Variants in MYO3B observed in about 807,000 individuals in gnomAD.
MYO3B encodes the protein myosin-IIIb.
In MYO3B, 156 loss-of-function variants were observed where a neutral mutation model predicts 174.6. That is an observed-to-expected ratio of 0.89 (90% CI 0.78 to 1.02). MYO3B has a LOEUF of 1.02. Ranked by LOEUF, MYO3B falls within the 50% of genes least tolerant of loss-of-function variation. The pLI is 0.00. For synonymous variants in MYO3B, 563 were observed against 569.1 expected (o/e 0.99, Z 0.15); for missense variants, 1,632 against 1,639.4 (o/e 1.00, Z 0.08).
At chr2:170,393,569 G>A (rs1224074481) in intron 16 of MYO3B, among the ~76,000 whole-genome samples, 1 of 152,098 alleles carries the variant, frequency 6.6e-6, no homozygotes, top group Admixed American at 6.6e-5. Context: ...CAACAAAGGG[G>A]GTGAATTATT....
In MYO3B at chr2:170,327,252, G is replaced by A. The variant is rs1574791998; in HGVS notation, c.750-8133G>A. Among the ~76,000 whole-genome samples the A allele has an allele frequency of 3.9e-5, 6 of 152,324 alleles. No homozygotes were observed. The South Asian group carries it at 1.2e-3, about 32-fold the overall frequency. On this transcript the variant is annotated intron_variant, in intron 7 of 34. Transcript: ENST00000408978. ...ATACAAAAATTAGCTGGGTGTGATGGCACATGCCTGTATTCCCAACTACTC... is the reference window on the plus strand; with the variant it reads ...ATACAAAAATTAGCTGGGTGTGATGACACATGCCTGTATTCCCAACTACTC...
chr2:170,200,213 G>A lies in MYO3B; in HGVS notation c.250G>A (p.Val84Ile). The A allele has an allele frequency of 6.2e-7, 1 of 1,613,558 alleles. No individual in the cohort carries two copies. Among genetic ancestry groups the A allele is most frequent in the Non-Finnish European group, 8.5e-7 (1 of 1,179,662 alleles). Residue 84 changes from valine (V) to isoleucine (I), a missense_variant, in exon 3 of 35, where the codon GTT (valine) becomes ATT (isoleucine). Transcript: ENST00000408978. Reference sequence around the variant, plus strand: ...GCAGTTCCTTCCTAATCATCCCAATGTTGTAAAGTTTTATGGGATGTTTTA... The same window carrying A: ...GCAGTTCCTTCCTAATCATCCCAATATTGTAAAGTTTTATGGGATGTTTTA... The part of the protein sequence containing the change: ...ILQFLPNHPN[V>I]VKFYGMFYKA...
chr2:170,447,978 A>C (rs1357690631), intron 23 of MYO3B, among the ~76,000 whole-genome samples: 2 of 152,166 alleles, frequency 1.3e-5, no homozygotes, highest in Non-Finnish European at 2.9e-5. Context: ...CATCGAGTCC[A>C]GGGTCTGTAA....
At chr2:170,195,116 C>A (rs189383836) in intron 1 of MYO3B, among the ~76,000 whole-genome samples, 24 of 152,070 alleles carry the variant, frequency 1.6e-4, no homozygotes, top group Non-Finnish European at 1.9e-4. Flanking sequence ...TTTTGCAACA[C>A]CCTCACAGAC....
At chr2:170,639,423 G>A (rs1697783050) in intron 32 of MYO3B, among the ~76,000 whole-genome samples, 1 of 152,168 alleles carries the variant, frequency 6.6e-6, no homozygotes, top group Non-Finnish European at 1.5e-5. Flanking sequence ...TCAAGGTTAG[G>A]GAACTGCCAT....
At chr2:170,387,343 T>C in intron 14 of MYO3B, 35 bp downstream of exon 14, 1 of 1,594,458 alleles carries the variant, frequency 6.3e-7, no homozygotes, top group South Asian at 1.1e-5. Context: ...GTTTTTGCCC[T>C]GCAGTAAAAA....
At chr2:170,500,068 CTG>C (rs1044257093) in intron 27 of MYO3B, among the ~76,000 whole-genome samples, 3 of 152,132 alleles carry the variant, frequency 2.0e-5, no homozygotes, top group African/African-American at 7.2e-5. Flanking sequence ...ATGAGCAAGA[CTG>C]TGTAGGGGTG....
intron 18 of MYO3B, 96 bp downstream of exon 18, chr2:170,401,787 A>ATTTT (rs2094477904): frequency 6.1e-6 from 5 of 817,826 alleles, no homozygotes; most frequent in Non-Finnish European, 5.5e-6. Flanking sequence ...CCTCTCTGGG[A>ATTTT]TTTTCTTTCT....
intron 3 of MYO3B, among the ~76,000 whole-genome samples, chr2:170,208,368 A>C (rs2092735826): frequency 6.6e-6 from 1 of 152,194 alleles, no homozygotes; most frequent in Non-Finnish European, 1.5e-5. Flanking sequence ...TGGTGGCTAT[A>C]GTTATGCTTG....
At chr2:170,291,073 AC>A (rs959118469) in intron 7 of MYO3B, among the ~76,000 whole-genome samples, 9 of 151,886 alleles carry the variant, frequency 5.9e-5, no homozygotes, top group Admixed American at 2.0e-4. Flanking sequence ...ACATGGTGAA[AC>A]CCCGTCTCTA....
At chr2:170,221,481 C>T (rs1357864032) in intron 6 of MYO3B, among the ~76,000 whole-genome samples, 1 of 152,064 alleles carries the variant, frequency 6.6e-6, no homozygotes, top group East Asian at 1.9e-4. Flanking sequence ...AGTCAAGACA[C>T]ACAGTTCACT....
In MYO3B at chr2:170,628,441, C is replaced by T. The variant is rs1281003731; in HGVS notation, c.3734-23187C>T. Among the ~76,000 whole-genome samples, 5 of 152,368 alleles carry T rather than the reference C, an allele frequency of 3.3e-5. No homozygotes were observed. In the East Asian group the frequency reaches 9.6e-4, roughly 29 times the overall value. On this transcript the variant is annotated intron_variant, in intron 32 of 34. Coordinates refer to ENST00000408978, the MANE Select transcript of MYO3B (RefSeq NM_138995.5). ...AGTGACCCGATTTTCCAGGTGCCAT[C>T]TGTCACAGCTTTGCTTGGCTGTGAA...
chr2:170,583,980 C>T (rs1693330779), intron 32 of MYO3B, among the ~76,000 whole-genome samples: 1 of 152,194 alleles, frequency 6.6e-6, no homozygotes, highest in Non-Finnish European at 1.5e-5. Context: ...TGGCAAAGAG[C>T]TGTATATTTC....
At chr2:170,455,180 A>G (rs1281497056) in intron 23 of MYO3B, among the ~76,000 whole-genome samples, 8 of 152,220 alleles carry the variant, frequency 5.3e-5, no homozygotes, top group Admixed American at 5.2e-4. Flanking sequence ...TTAGTCCTGC[A>G]AAGGCAGTCT....
rs557150593 is a variant in MYO3B at position 170,355,333 on chromosome 2, T to G, written c.816-13889T>G. Reference sequence around the variant, plus strand: ...TTAGTTCATTTTCTCCAATTTGATGTTCACATAATTGGCAGTCAGCCAGAG... The same window carrying G: ...TTAGTTCATTTTCTCCAATTTGATGGTCACATAATTGGCAGTCAGCCAGAG... On this transcript the variant is annotated intron_variant, in intron 8 of 34. Transcript: ENST00000408978. 8.6e-4 allele frequency among the ~76,000 whole-genome samples: 131 copies of G among 152,366 alleles called. 1 individual carries two copies. The highest frequency in any genetic ancestry group is 2.1e-3 in the South Asian group (10 of 4,814).
At chr2:170,288,723 A>G (rs1182378873) in intron 7 of MYO3B, among the ~76,000 whole-genome samples, 1 of 151,736 alleles carries the variant, frequency 6.6e-6, no homozygotes, top group Admixed American at 6.6e-5. Context: ...GTTCTTTCCT[A>G]ATTGCTCTGG....
intron 25 of MYO3B, among the ~76,000 whole-genome samples, chr2:170,489,232 G>A (rs1306350930): frequency 6.6e-6 from 1 of 152,160 alleles, no homozygotes; most frequent in East Asian, 1.9e-4. Context: ...TTTTATCAAT[G>A]ATTTTAAGTT....
chr2:170,641,749 T>C (rs540183555), intron 32 of MYO3B, among the ~76,000 whole-genome samples: 2 of 151,858 alleles, frequency 1.3e-5, no homozygotes, highest in South Asian at 2.1e-4. Flanking sequence ...GCTTAACTTA[T>C]TTGAACATTA....
rs140916417 is a variant in MYO3B, at chr2:170,458,844, A to G, written c.2731-4524A>G. ...TATGCAAATATACAAGAGATCCCTC[A>G]CCAACCGAAGACCTTTTTAAATTCT... On this transcript the variant is annotated intron_variant, in intron 23 of 34. Coordinates refer to ENST00000408978, the MANE Select transcript of MYO3B (RefSeq NM_138995.5). Among the ~76,000 whole-genome samples, 650 of 152,374 alleles carry G rather than the reference A, an allele frequency of 4.3e-3. 4 individuals carry two copies. Among genetic ancestry groups the G allele is most frequent in the African/African-American group, 0.015 (635 of 41,594 alleles).
Sources: allele counts gnomAD v4.1 joint callset (sites outside exome capture counted in the v4.1 genomes callset), GRCh38; gene constraint gnomAD v4.1.1; transcripts MANE v1.5; gene names NCBI Gene and HGNC (gene_info 2026-07-23, HGNC 2026-07-21).